Variants in ZNF618 observed in about 807,000 individuals in gnomAD.
ZNF618 encodes the protein zinc finger protein 618, also known as neural precursor cell expressed, developmentally down-regulated 10.
Under a neutral mutation model 103.0 loss-of-function variants are expected in ZNF618, and 34 were observed. That is an observed-to-expected ratio of 0.33 (90% confidence interval 0.25 to 0.44). The LOEUF is 0.44. Among genes scored for constraint, ZNF618 ranks in the 20% least tolerant of loss-of-function variants. The pLI, the probability that ZNF618 is intolerant of heterozygous loss-of-function variation, is 1.00. For missense variants in ZNF618, 1,059 were observed against 1,295.4 expected, an observed-to-expected ratio of 0.82 and a Z score of 2.80; for synonymous variants, 551 against 542.2, an observed-to-expected ratio of 1.02 and a Z score of -0.23.
In ZNF618 at chr9:114,049,729, C is replaced by T. The variant is rs1845979842; in HGVS notation, c.2427C>T (p.Asp809=). The T allele has an allele frequency of 6.2e-7, 1 of 1,613,886 alleles. No homozygotes were observed. Among genetic ancestry groups the T allele is most frequent in the Non-Finnish European group, 8.5e-7 (1 of 1,179,906 alleles). The change falls in exon 15 of 15, where the codon GAC becomes GAT. Residue 809 remains aspartate (D), a synonymous_variant. Transcript: ENST00000374126. ...HPAHKVAMIL[D]PQQKLRPVPP... is the part of the protein sequence containing the mutation. ...CCCACAAGGTGGCCATGATCCTGGACCCGCAGCAGAAGCTGCGGCCTGTGC... is the reference window on the plus strand; with the variant it reads ...CCCACAAGGTGGCCATGATCCTGGATCCGCAGCAGAAGCTGCGGCCTGTGC...
At chr9:113,959,174 A>G (rs1836603942) in intron 1 of ZNF618, among the ~76,000 whole-genome samples, 1 of 152,090 alleles carries the variant, frequency 6.6e-6, no homozygotes, top group South Asian at 2.1e-4. Context: ...CTGTAATCCA[A>G]GCTACTCAGG....
chr9:114,028,564 C>T lies in ZNF618; in HGVS notation c.845-169C>T. 6.6e-6 allele frequency: 7 copies of T among 1,063,390 alleles called. No homozygotes were observed. In the South Asian group the frequency reaches 1.0e-4, roughly 15 times the overall value. The allele number at this position is 1,063,390 out of a possible 1,614,324, so 65.9% of individuals were successfully genotyped here. A position where few individuals can be genotyped will look rare whatever the true frequency, so the allele number is the denominator to read the frequency against. Reference sequence around the variant, plus strand: ...GTGAGCTGACAGAAGGTTCCAGACTCCTGGACTTTCTCTGGCTCTGAGTTA... The same window carrying T: ...GTGAGCTGACAGAAGGTTCCAGACTTCTGGACTTTCTCTGGCTCTGAGTTA... On this transcript the variant is annotated intron_variant, in intron 10 of 14. Coordinates refer to ENST00000374126, the MANE Select transcript of ZNF618 (RefSeq NM_001318042.2).
In ZNF618 at chr9:114,049,306, C is replaced by T. The variant is rs751637814; in HGVS notation, c.2004C>T (p.Cys668=). ...MHEVIELLNV[C]EDLAGSTGLA... is the part of the protein sequence containing the mutation. ...AGGTCATCGAGCTGCTCAACGTGTG[C>T]GAGGACCTGGCGGGCTCCACGGGCC... is the stretch of plus-strand genomic sequence containing the variant. The change falls in exon 15 of 15, where the codon TGC becomes TGT. Residue 668 remains cysteine (C), a synonymous_variant. Transcript: ENST00000374126. 1.1e-5 allele frequency: 18 copies of T among 1,611,604 alleles called. No individual in the cohort carries two copies. The highest frequency in any genetic ancestry group is 1.6e-4 in the Middle Eastern group (1 of 6,084).
chr9:113,968,911 G>A (rs757873757), intron 1 of ZNF618, among the ~76,000 whole-genome samples: 4 of 152,186 alleles, frequency 2.6e-5, no homozygotes, highest in Non-Finnish European at 4.4e-5. Context: ...AAAGGGCCAA[G>A]CAAATGGGGT....
intron 3 of ZNF618, among the ~76,000 whole-genome samples, chr9:113,990,331 T>C (rs1021519372): frequency 2.6e-5 from 4 of 152,164 alleles, no homozygotes; most frequent in African/African-American, 9.7e-5. Context: ...AGATTGGGGC[T>C]CCAGGACCTG....
chr9:113,989,289 C>T (rs940956600), intron 3 of ZNF618, among the ~76,000 whole-genome samples: 1 of 152,250 alleles, frequency 6.6e-6, no homozygotes, highest in Non-Finnish European at 1.5e-5. Flanking sequence ...TGCTGCTCAG[C>T]TGCTGCACTG....
chr9:114,050,149 G>A lies in ZNF618; in HGVS notation c.2847G>A (p.Leu949=), dbSNP rs1846024951. The A allele has an allele frequency of 1.3e-6, 2 of 1,556,528 alleles. No homozygotes were observed. The highest frequency in any genetic ancestry group is 2.7e-5 in the African/African-American group (2 of 72,890). ...AAGATATGAATAAACTCATGTTTCT[G>A]AAATCCAACATGCTTTAAGACTTGA... is the stretch of plus-strand genomic sequence containing the variant. The part of the protein sequence containing the change: ...SPEDMNKLMF[L]KSNML The change falls in exon 15 of 15, where the codon CTG becomes CTA. Residue 949 remains leucine, a synonymous_variant. Transcript: ENST00000374126.
At chr9:114,013,614 G>A (rs1842431709) in intron 9 of ZNF618, among the ~76,000 whole-genome samples, 2 of 152,120 alleles carry the variant, frequency 1.3e-5, no homozygotes, top group African/African-American at 4.8e-5. Flanking sequence ...TATATTTTTA[G>A]TAGAGACGGG....
chr9:113,969,145 A>G lies in ZNF618; in HGVS notation c.62A>G (p.Lys21Arg), dbSNP rs754584371. ...QADGASAAGR[K>R]STASRERLKR... Reference sequence around the variant, plus strand: ...GACGGAGCCAGTGCAGCCGGAAGGAAAAGCACTGCGAGCAGGTACACTCCC... The same window carrying G: ...GACGGAGCCAGTGCAGCCGGAAGGAGAAGCACTGCGAGCAGGTACACTCCC... The change falls in exon 2 of 15, where the codon AAA becomes AGA. Residue 21 changes from lysine to arginine, a missense_variant. Physicochemically the swap from Lys to Arg is conservative, Grantham distance 26. Transcript: ENST00000374126. 1 of 1,613,924 alleles carries G rather than the reference A, an allele frequency of 6.2e-7. No individual in the cohort carries two copies. Among genetic ancestry groups the G allele is most frequent in the Non-Finnish European group, 8.5e-7 (1 of 1,179,854 alleles).
At chr9:113,914,350 G>A (rs1195624014) in intron 1 of ZNF618, among the ~76,000 whole-genome samples, 3 of 152,110 alleles carry the variant, frequency 2.0e-5, no homozygotes, top group African/African-American at 7.2e-5. Flanking sequence ...TGGCAGCCAG[G>A]CCTTCAAGAC....
intron 1 of ZNF618, among the ~76,000 whole-genome samples, chr9:113,930,606 A>G (rs1047428984): frequency 6.6e-5 from 10 of 152,246 alleles, no homozygotes; most frequent in Non-Finnish European, 1.0e-4. Flanking sequence ...TGAAGTGCTC[A>G]TTAATGTTTG....
chr9:114,048,201 CTT>C (rs1416348867), intron 14 of ZNF618, among the ~76,000 whole-genome samples: 4 of 152,282 alleles, frequency 2.6e-5, no homozygotes, highest in South Asian at 4.1e-4. Context: ...GAGGAGGTGA[CTT>C]TTTTTGTGGT....
intron 6 of ZNF618, among the ~76,000 whole-genome samples, chr9:114,006,411 G>C (rs1214253779): frequency 1.3e-5 from 2 of 152,212 alleles, no homozygotes; most frequent in African/African-American, 4.8e-5. Flanking sequence ...TGATGGGATT[G>C]ATAGGCCCTC....
chr9:114,016,119 A>C, intron 9 of ZNF618: 1 of 1,611,722 alleles, frequency 6.2e-7, no homozygotes, highest in African/African-American at 1.3e-5. Context: ...CCAGTGAACA[A>C]TATTACATCA....
chr9:113,884,719 C>T (rs1031021901), intron 1 of ZNF618, among the ~76,000 whole-genome samples: 4 of 151,970 alleles, frequency 2.6e-5, no homozygotes, highest in Non-Finnish European at 5.9e-5. Flanking sequence ...CACACACACA[C>T]GCACCCCATG....
chr9:113,977,868 G>C (rs1156402360), intron 2 of ZNF618, among the ~76,000 whole-genome samples: 1 of 152,080 alleles, frequency 6.6e-6, no homozygotes, highest in Admixed American at 6.6e-5. Context: ...CCCAGTCTAG[G>C]TTTAACTTAA....
chr9:113,921,184 T>C (rs760355870), intron 1 of ZNF618, among the ~76,000 whole-genome samples: 1 of 152,258 alleles, frequency 6.6e-6, no homozygotes, highest in African/African-American at 2.4e-5. Flanking sequence ...TCCTGGGTCC[T>C]GTGTCTCCCA....
At chr9:113,979,574 G>A (rs530707415) in intron 2 of ZNF618, among the ~76,000 whole-genome samples, 2 of 152,274 alleles carry the variant, frequency 1.3e-5, no homozygotes, top group Admixed American at 6.5e-5. Context: ...GAAAACCATC[G>A]ACAGTTACAG....
At chr9:113,935,911 T>A (rs1438333507) in intron 1 of ZNF618, among the ~76,000 whole-genome samples, 3 of 152,186 alleles carry the variant, frequency 2.0e-5, no homozygotes, top group Non-Finnish European at 4.4e-5. Context: ...ATAATGCGCT[T>A]ATCCCAGTGG....
Sources: allele counts gnomAD v4.1 joint callset (sites outside exome capture counted in the v4.1 genomes callset), GRCh38; gene constraint gnomAD v4.1.1; transcripts MANE v1.5; gene names NCBI Gene and HGNC (gene_info 2026-07-23, HGNC 2026-07-21).